RNF216: variants seen among roughly 807,000 people sequenced by gnomAD.
The protein encoded by RNF216 is ring finger protein 216, also known as E3 ubiquitin-protein ligase RNF216.
In RNF216, 72 loss-of-function variants were observed where a neutral mutation model predicts 110.8. The observed-to-expected ratio is 0.65, with a 90% CI of 0.54 to 0.79. The LOEUF is 0.79. Ranked by LOEUF, RNF216 falls within the 30% of genes least tolerant of loss-of-function variation. RNF216 has a pLI of 0.00. For missense variants in RNF216, 1,342 were observed against 1,141.2 expected, an observed-to-expected ratio of 1.18 and a Z score of -2.54; for synonymous variants, 495 against 407.5, an observed-to-expected ratio of 1.21 and a Z score of -2.59.
intron 5 of RNF216, among the ~76,000 whole-genome samples, chr7:5,733,729 C>A (rs1794226434): frequency 6.8e-6 from 1 of 146,842 alleles, no homozygotes; most frequent in African/African-American, 2.5e-5. Flanking sequence ...AAGGGAAATA[C>A]AATTAGTAAA....
At chr7:5,668,498 C>G (rs897802910) in intron 13 of RNF216, among the ~76,000 whole-genome samples, 2 of 152,010 alleles carry the variant, frequency 1.3e-5, no homozygotes, top group African/African-American at 2.4e-5. Flanking sequence ...GCTGGGATTA[C>G]AGATGTGAGC....
intron 13 of RNF216, among the ~76,000 whole-genome samples, chr7:5,684,297 C>A (rs978306926): frequency 6.6e-6 from 1 of 151,748 alleles, no homozygotes; most frequent in African/African-American, 2.4e-5. Flanking sequence ...TTAGTAGAGA[C>A]GGGGTTTCAC....
intron 4 of RNF216, chr7:5,739,686 C>G: frequency 2.1e-6 from 1 of 468,088 alleles, no homozygotes; most frequent in South Asian, 1.6e-5. Flanking sequence ...TCAAGCAGCA[C>G]ACAACCTAGT....
intron 3 of RNF216, among the ~76,000 whole-genome samples, chr7:5,751,969 C>T (rs557817359): frequency 3.3e-5 from 5 of 151,728 alleles, no homozygotes; most frequent in East Asian, 1.9e-4. Context: ...GGGCGGATCA[C>T]GAGGTCAGGA....
chr7:5,757,826 T>C (rs1232175338), intron 2 of RNF216, among the ~76,000 whole-genome samples: 1 of 152,160 alleles, frequency 6.6e-6, no homozygotes, highest in Non-Finnish European at 1.5e-5. Flanking sequence ...TTATACACTT[T>C]TAACAAAACT....
intron 1 of RNF216, among the ~76,000 whole-genome samples, chr7:5,764,814 CCCA>C (rs1462934473): frequency 6.6e-6 from 1 of 152,010 alleles, no homozygotes; most frequent in Non-Finnish European, 1.5e-5. Flanking sequence ...TGCCTATAAT[CCCA>C]CCACTTTGGG....
intron 13 of RNF216, among the ~76,000 whole-genome samples, chr7:5,661,981 G>A: frequency 6.6e-6 from 1 of 152,208 alleles, no homozygotes; most frequent in East Asian, 1.9e-4. Context: ...ACTGTTTACT[G>A]GAGAACCCAA....
chr7:5,652,382 G>C (rs1788447461), intron 14 of RNF216, 31 bp downstream of exon 14: 3 of 1,472,290 alleles, frequency 2.0e-6, no homozygotes, highest in South Asian at 1.1e-5. Context: ...TTGAGAATCA[G>C]CCCATAGCCC....
intron 13 of RNF216, among the ~76,000 whole-genome samples, chr7:5,655,308 T>A (rs922884393): frequency 3.9e-5 from 6 of 152,010 alleles, no homozygotes; most frequent in African/African-American, 1.4e-4. Context: ...GGCCCGAGGG[T>A]CCCGGAGAAC....
rs191565419 is a variant in RNF216 at position 5,732,352 on chromosome 7, G to A, written c.1122-1535C>T. Reference sequence around the variant, plus strand: ...GTGGCGACAAACCAGACACGGACTAGCTTTAAAATGGTCTGTTTTTACGTG... The same window carrying A: ...GTGGCGACAAACCAGACACGGACTAACTTTAAAATGGTCTGTTTTTACGTG... On this transcript the variant is annotated intron_variant, in intron 5 of 16. Coordinates refer to ENST00000389902, the MANE Select transcript of RNF216 (RefSeq NM_207111.4). Among the ~76,000 whole-genome samples, 15 of 152,236 alleles carry A rather than the reference G, an allele frequency of 9.9e-5. No homozygotes were observed. The East Asian group carries it at 2.9e-3, about 29-fold the overall frequency.
At chr7:5,647,378 G>T (rs1397466728) in intron 14 of RNF216, among the ~76,000 whole-genome samples, 1 of 143,576 alleles carries the variant, frequency 7.0e-6, no homozygotes, top group Admixed American at 7.3e-5. Context: ...CTGTTGTTCA[G>T]GCTGGAGTAC....
chr7:5,712,647 G>GC (rs1333801304), intron 12 of RNF216, 68 bp downstream of exon 12: 4 of 1,474,592 alleles, frequency 2.7e-6, no homozygotes, highest in African/African-American at 1.4e-5. Context: ...ATCATCTGAT[G>GC]CAAGTGCCCA....
At chr7:5,754,379 C>G (rs1009312119) in intron 2 of RNF216, among the ~76,000 whole-genome samples, 1 of 151,902 alleles carries the variant, frequency 6.6e-6, no homozygotes, top group Admixed American at 6.6e-5. Context: ...CTATGCTGGC[C>G]TTGAACTCCT....
chr7:5,638,903 C>T (rs973595790), intron 15 of RNF216, among the ~76,000 whole-genome samples: 3 of 152,158 alleles, frequency 2.0e-5, no homozygotes, highest in Non-Finnish European at 2.9e-5. Flanking sequence ...CCAAAGCTTA[C>T]AGACATGAGC....
chr7:5,748,730 A>T (rs7783367), intron 3 of RNF216, among the ~76,000 whole-genome samples: 2,279 of 152,190 alleles, frequency 0.015, 48 homozygotes, highest in African/African-American at 0.051. Flanking sequence ...AGTAGTTATT[A>T]AGTAGTACTA....
intron 3 of RNF216, among the ~76,000 whole-genome samples, chr7:5,742,631 T>C (rs1336181209): frequency 7.3e-6 from 1 of 137,348 alleles, no homozygotes; most frequent in African/African-American, 2.7e-5. Flanking sequence ...AGTCTCGCTC[T>C]ATTGCCCAGG....
At chr7:5,753,502 G>A (rs1795440951) in intron 2 of RNF216, among the ~76,000 whole-genome samples, 1 of 152,188 alleles carries the variant, frequency 6.6e-6, no homozygotes, top group Admixed American at 6.5e-5. Flanking sequence ...ATCTATGACA[G>A]TCAGCAATTT....
chr7:5,679,234 A>G (rs1001955230), intron 13 of RNF216, among the ~76,000 whole-genome samples: 4 of 152,100 alleles, frequency 2.6e-5, no homozygotes, highest in Admixed American at 6.5e-5. Flanking sequence ...CACACAGCTA[A>G]CAAGTGGTGG....
chr7:5,645,912 C>T (rs1788023178), intron 14 of RNF216, among the ~76,000 whole-genome samples: 1 of 152,144 alleles, frequency 6.6e-6, no homozygotes, highest in Admixed American at 6.6e-5. Context: ...TCTATCTATA[C>T]TCTCTACTTG....
Sources: allele counts gnomAD v4.1 joint callset (sites outside exome capture counted in the v4.1 genomes callset), GRCh38; gene constraint gnomAD v4.1.1; transcripts MANE v1.5; gene names NCBI Gene and HGNC (gene_info 2026-07-23, HGNC 2026-07-21).